The following FHIT variants were observed in gnomAD, a reference collection of about 807,000 sequenced individuals.
FHIT encodes the protein bis(5'-adenosyl)-triphosphatase.
In FHIT, 19 loss-of-function variants were observed where a neutral mutation model predicts 17.9. The ratio of observed to expected loss-of-function variants is 1.06; its 90% CI spans 0.74 to 1.56. FHIT has a LOEUF of 1.56. Ranked by LOEUF, FHIT falls within the 40% of genes most tolerant of loss-of-function variation. FHIT has a pLI of 0.00. For missense variants in FHIT, 248 were observed against 189.2 expected, an observed-to-expected ratio of 1.31 and a Z score of -1.82; for synonymous variants, 81 against 69.7, an observed-to-expected ratio of 1.16 and a Z score of -0.81.
intron 4 of FHIT, among the ~76,000 whole-genome samples, chr3:60,567,138 GC>G (rs2037167275): frequency 6.6e-6 from 1 of 151,136 alleles, no homozygotes; most frequent in Non-Finnish European, 1.5e-5. Flanking sequence ...CCAAAAAAGA[GC>G]CCACACTGCC....
At chr3:60,517,826 C>A (rs1447616971) in intron 5 of FHIT, among the ~76,000 whole-genome samples, 1 of 152,138 alleles carries the variant, frequency 6.6e-6, no homozygotes, top group Non-Finnish European at 1.5e-5. Context: ...CTTAGGAGTT[C>A]TGTAAAGAAG....
intron 4 of FHIT, among the ~76,000 whole-genome samples, chr3:60,574,173 T>C (rs1264750900): frequency 6.6e-6 from 1 of 152,116 alleles, no homozygotes; most frequent in Admixed American, 6.6e-5. Flanking sequence ...CCAGCAGCTA[T>C]GGGAGCTACA....
intron 2 of FHIT, among the ~76,000 whole-genome samples, chr3:61,047,400 A>C (rs2033844489): frequency 6.6e-6 from 1 of 152,198 alleles, no homozygotes; most frequent in African/African-American, 2.4e-5. Flanking sequence ...AAGAGAATAA[A>C]ATGCCTAGGA....
chr3:60,274,503 T>G (rs1332018264), intron 5 of FHIT, among the ~76,000 whole-genome samples: 2 of 152,194 alleles, frequency 1.3e-5, no homozygotes, highest in African/African-American at 4.8e-5. Flanking sequence ...AACTCAAACA[T>G]TATACTTTTC....
intron 7 of FHIT, among the ~76,000 whole-genome samples, chr3:59,952,189 T>G (rs981985462): frequency 6.6e-6 from 1 of 151,708 alleles, no homozygotes; most frequent in African/African-American, 2.4e-5. Flanking sequence ...GGACACTGGA[T>G]TTTTTTCATC....
At chr3:60,561,081 C>T (rs147104487) in intron 4 of FHIT, among the ~76,000 whole-genome samples, 81 of 152,066 alleles carry the variant, frequency 5.3e-4, no homozygotes, top group African/African-American at 1.8e-3. Context: ...TTTTCCATGT[C>T]TCTATCTCTA....
At chr3:60,097,323 A>G (rs868598934) in intron 5 of FHIT, among the ~76,000 whole-genome samples, 34 of 152,232 alleles carry the variant, frequency 2.2e-4, no homozygotes, top group African/African-American at 7.2e-4. Context: ...GATGGGTCTA[A>G]ATAAAATGAG....
intron 5 of FHIT, among the ~76,000 whole-genome samples, chr3:60,028,039 T>C (rs1700828143): frequency 1.3e-5 from 2 of 152,202 alleles, no homozygotes; most frequent in African/African-American, 2.4e-5. Flanking sequence ...CACTTGTAGC[T>C]AGTAGCTATT....
In FHIT at chr3:60,712,119, C is replaced by T. The variant is rs530662725; in HGVS notation, c.-18+109800G>A. Among the ~76,000 whole-genome samples the T allele has an allele frequency of 6.3e-3, 965 of 152,248 alleles. 10 individuals carry two copies. The highest frequency in any genetic ancestry group is 0.021 in the African/African-American group (859 of 41,532). On this transcript the variant is annotated intron_variant, in intron 4 of 9. Coordinates refer to ENST00000492590, the MANE Select transcript of FHIT (RefSeq NM_002012.4). The stretch of plus-strand genomic sequence containing the variant: ...CCAGAAGAGACTGGGGGCCAATATT[C>T]AACATTCTTAAAGAAAAGAATTTTC...
intron 5 of FHIT, among the ~76,000 whole-genome samples, chr3:60,349,463 T>G (rs1003114568): frequency 1.3e-5 from 2 of 152,218 alleles, no homozygotes; most frequent in African/African-American, 4.8e-5. Flanking sequence ...CTGGAATGCT[T>G]GCTATTTTGC....
chr3:60,122,111 T>TAAA (rs72498196), intron 5 of FHIT, among the ~76,000 whole-genome samples: 26,728 of 149,576 alleles, frequency 0.18, 2,498 homozygotes, highest in African/African-American at 0.22. Context: ...AAATTGCAAC[T>TAAA]AAAAAAAAAC....
intron 2 of FHIT, among the ~76,000 whole-genome samples, chr3:61,106,355 A>T (rs1191063589): frequency 1.3e-5 from 2 of 152,140 alleles, no homozygotes; most frequent in African/African-American, 4.8e-5. Context: ...CAAGTGTACA[A>T]TGCATTATTA....
At chr3:59,929,363 G>GTTTTTTT (rs869243844) in intron 7 of FHIT, among the ~76,000 whole-genome samples, 24 of 67,064 alleles carry the variant, frequency 3.6e-4, no homozygotes, top group Admixed American at 4.9e-4. Context: ...TGTTTTTTTG[G>GTTTTTTT]TTTTTTTTTT....
rs186030108 is a variant in FHIT at position 60,984,391 on chromosome 3, C to T, written c.-111+57656G>A. Among the ~76,000 whole-genome samples the T allele has an allele frequency of 4.8e-3, 736 of 152,306 alleles. 5 individuals carry two copies. Among genetic ancestry groups the T allele is most frequent in the Non-Finnish European group, 8.2e-3 (555 of 68,030 alleles). ...TCATCATTTCTACTGACCCTTCATT[C>T]CACCCCCACCTACCAATACACCCAC... On this transcript the variant is annotated intron_variant, in intron 3 of 9. Transcript: ENST00000492590.
chr3:61,060,608 T>G (rs1194922384), intron 2 of FHIT, among the ~76,000 whole-genome samples: 2 of 152,230 alleles, frequency 1.3e-5, no homozygotes, highest in South Asian at 4.1e-4. Context: ...CATCATATCT[T>G]CTCCAGCTGC....
At position 61,076,985 on chromosome 3, in the gene FHIT, T is replaced by C. The variant is rs550014444; in HGVS notation, c.-163-34886A>G. On this transcript the variant is annotated intron_variant, in intron 2 of 9. Transcript: ENST00000492590. ...CAAGTAAGTCAAGGAGACAGGTGTG[T>C]AAATACCTAACCAAACTTACAGGCA... Among the ~76,000 whole-genome samples, 7 of 152,276 alleles carry C rather than the reference T, an allele frequency of 4.6e-5. No homozygotes were observed. The South Asian group carries it at 1.5e-3, about 32-fold the overall frequency.
intron 2 of FHIT, among the ~76,000 whole-genome samples, chr3:61,042,981 AG>A (rs1030627589): frequency 8.5e-5 from 13 of 152,198 alleles, no homozygotes; most frequent in African/African-American, 1.2e-4. Context: ...TTAGAACAAC[AG>A]GGAGAGGTTC....
chr3:60,165,850 A>C (rs1701149271), intron 5 of FHIT, among the ~76,000 whole-genome samples: 1 of 152,148 alleles, frequency 6.6e-6, no homozygotes, highest in Admixed American at 6.5e-5. Context: ...CTCGGTGAAC[A>C]ATTTCAGGGC....
chr3:60,024,578 A>G (rs1700667892), intron 5 of FHIT, among the ~76,000 whole-genome samples: 1 of 152,246 alleles, frequency 6.6e-6, no homozygotes, highest in Non-Finnish European at 1.5e-5. Context: ...CAGCACAACC[A>G]GGTACAGTCA....
Sources: allele counts gnomAD v4.1 joint callset (sites outside exome capture counted in the v4.1 genomes callset), GRCh38; gene constraint gnomAD v4.1.1; transcripts MANE v1.5; gene names NCBI Gene and HGNC (gene_info 2026-07-23, HGNC 2026-07-21).